Variants in AP1M1 observed in about 807,000 individuals in gnomAD.
The protein encoded by AP1M1 is adaptor related protein complex 1 subunit mu 1.
Under a neutral mutation model 57.1 loss-of-function variants are expected in AP1M1, and 18 were observed. That is an observed-to-expected ratio of 0.32 (90% CI 0.22 to 0.47). AP1M1 has a LOEUF of 0.47. Ranked by LOEUF, AP1M1 falls within the 20% of genes least tolerant of loss-of-function variation. The pLI, the probability that AP1M1 is intolerant of heterozygous loss-of-function variation, is 1.00. For synonymous variants in AP1M1, 241 were observed against 237.9 expected (o/e 1.01, Z -0.12); for missense variants, 362 against 593.5 (o/e 0.61, Z 4.05).
chr19:16,229,752 C>T (rs554726693), intron 9 of AP1M1, among the ~76,000 whole-genome samples: 1 of 152,222 alleles, frequency 6.6e-6, no homozygotes, highest in Non-Finnish European at 1.5e-5. Context: ...AAGCCAGTTA[C>T]CCCACCACCT....
At chr19:16,233,365 AG>A in intron 9 of AP1M1, 127 bp from the exon 10 acceptor site, 1 of 1,343,210 alleles carries the variant, frequency 7.4e-7, no homozygotes, top group Non-Finnish European at 9.8e-7. Flanking sequence ...TCCCCAGCAC[AG>A]GGGCTCATGC....
chr19:16,210,652 C>G (rs1484235199), intron 5 of AP1M1, among the ~76,000 whole-genome samples: 1 of 152,202 alleles, frequency 6.6e-6, no homozygotes. Context: ...CTCTGCCTCC[C>G]AGGCTTAAGC....
intron 5 of AP1M1, among the ~76,000 whole-genome samples, chr19:16,219,390 GTTTTTT>G (rs1296602911): frequency 6.6e-5 from 5 of 75,996 alleles, no homozygotes; most frequent in Non-Finnish European, 1.1e-4. Flanking sequence ...ATTCATTTTT[GTTTTTT>G]TGTTTTTTTT....
In AP1M1 at chr19:16,227,531, C is replaced by T. The variant is rs1196247136; in HGVS notation, c.674-17C>T. 5.6e-6 allele frequency: 9 copies of T among 1,613,068 alleles called. No homozygotes were observed. Among genetic ancestry groups the T allele is most frequent in the Non-Finnish European group, 7.6e-6 (9 of 1,179,250 alleles). ...CCGGAGGGCCCAGATCTGTCCTACC[C>T]TCACCCCTGACCCCAGGCGGCAAAA... is the stretch of plus-strand genomic sequence containing the variant. On this transcript the variant is annotated splice_polypyrimidine_tract_variant and intron_variant, in intron 6 of 11. Coordinates refer to ENST00000291439, the MANE Select transcript of AP1M1 (RefSeq NM_032493.4). This position sits in a 1 kb window ranked among gnomAD's most constrained non-coding sequence, Gnocchi z 6.2.
intron 5 of AP1M1, chr19:16,210,541 A>G (rs1490616140): frequency 3.4e-6 from 2 of 595,878 alleles, no homozygotes; most frequent in Non-Finnish European, 3.1e-6. Context: ...GTAGTATGTC[A>G]GCACAGTTTT....
In AP1M1 at chr19:16,233,974, G is replaced by A. The variant is rs373515839; in HGVS notation, c.1174-225G>A. 981 of 569,942 alleles carry A rather than the reference G, an allele frequency of 1.7e-3. 9 individuals carry two copies. Among genetic ancestry groups the A allele is most frequent in the African/African-American group, 0.015 (818 of 53,298 alleles). The allele number at this position is 569,942 out of a possible 1,614,324, so 35.3% of individuals were successfully genotyped here. ...GCCCCCCAAGCAGGCTGCTGAGGCC[G>A]TGTCTGCAAGCCACATCCTGGCTGC... On this transcript the variant is annotated intron_variant, in intron 10 of 11. Transcript: ENST00000291439.
At chr19:16,218,295 C>T (rs748087711) in intron 5 of AP1M1, among the ~76,000 whole-genome samples, 11 of 152,326 alleles carry the variant, frequency 7.2e-5, no homozygotes, top group East Asian at 1.9e-4. Flanking sequence ...AGAACCCTCC[C>T]GGGCTGTCTC....
intron 9 of AP1M1, among the ~76,000 whole-genome samples, chr19:16,231,469 CGATCTCGGCTTACTGCAGAGGCAT>C (rs2091597676): frequency 1.3e-5 from 2 of 151,694 alleles, no homozygotes; most frequent in East Asian, 1.9e-4. Flanking sequence ...TGCAGAGGCA[CGATCTCGGCTTACTGCAGAGGCAT>C]GATCTCGGCT....
chr19:16,214,993 C>T (rs562652614), intron 5 of AP1M1, among the ~76,000 whole-genome samples: 109 of 151,644 alleles, frequency 7.2e-4, no homozygotes, highest in Non-Finnish European at 1.3e-3. Flanking sequence ...AGGCACTCCA[C>T]CCACCTCGGC....
rs61735380 is a variant in AP1M1 at position 16,227,564 on chromosome 19, C to A, written c.690C>A (p.Ser230=). The change falls in exon 7 of 12, where the codon TCC becomes TCA. Residue 230 remains serine (S), a synonymous_variant. Transcript: ENST00000291439. This position sits in a 1 kb window ranked among gnomAD's most constrained non-coding sequence, Gnocchi z 6.2. The stretch of plus-strand genomic sequence containing the variant: ...TGACCCCAGGCGGCAAAAGCAAATC[C>A]GTGGAGCTGGAGGATGTGAAGTTCC... ...FDNTGRGKSK[S]VELEDVKFHQ... The A allele has an allele frequency of 3.5e-4, 565 of 1,613,870 alleles. 3 individuals are homozygous for A. The African/African-American group carries it at 6.9e-3, about 20-fold the overall frequency.
Position 16,239,135 on chromosome 19 carries a change from G to A in AP1M1, c.*4700G>A, listed in dbSNP as rs1461942333. 6.9e-6 allele frequency: 1 copy of A among 144,114 alleles called. No individual in the cohort carries two copies. The highest frequency in any genetic ancestry group is 1.5e-5 in the Non-Finnish European group (1 of 66,792). 8.9% of individuals were successfully genotyped at this position (144,114 alleles called of 1,614,324 possible). A position where few individuals can be genotyped will look rare whatever the true frequency, so the allele number is the denominator to read the frequency against. Reference sequence around the variant, plus strand: ...TTTGGTAGAGACGGGATTTCTCCATGTTGGTCAGGCTGGTCTCGAACTCCC... The same window carrying A: ...TTTGGTAGAGACGGGATTTCTCCATATTGGTCAGGCTGGTCTCGAACTCCC... On this transcript the variant is annotated 3_prime_UTR_variant, in exon 12 of 12. Coordinates refer to ENST00000291439, the MANE Select transcript of AP1M1 (RefSeq NM_032493.4).
intron 5 of AP1M1, among the ~76,000 whole-genome samples, chr19:16,209,814 G>T (rs539630018): frequency 1.3e-5 from 2 of 152,052 alleles, no homozygotes; most frequent in African/African-American, 4.8e-5. Flanking sequence ...TTGATTTTGC[G>T]TTCAGTGTTA....
intron 9 of AP1M1, among the ~76,000 whole-genome samples, chr19:16,229,262 C>T (rs1412549113): frequency 1.3e-5 from 2 of 152,230 alleles, no homozygotes; most frequent in Non-Finnish European, 2.9e-5. Context: ...GAAGGAGCCC[C>T]GTCCACACTG....
At chr19:16,213,654 C>T (rs924498171) in intron 5 of AP1M1, among the ~76,000 whole-genome samples, 1 of 152,152 alleles carries the variant, frequency 6.6e-6, no homozygotes, top group South Asian at 2.1e-4. Context: ...GCCACCACGC[C>T]TGGCGGTTTT....
rs1214846095 is a variant in AP1M1, at chr19:16,227,859, G to A, written c.816+169G>A. On this transcript the variant is annotated intron_variant, in intron 7 of 11. Transcript: ENST00000291439. This position sits in a 1 kb window ranked among gnomAD's most constrained non-coding sequence, Gnocchi z 6.2. The stretch of plus-strand genomic sequence containing the variant: ...CTTGGGACTCCGAGCTTTCTGAGGG[G>A]CACAGACCCCTTTGGCCACCACCAC... Among the ~76,000 whole-genome samples the A allele has an allele frequency of 6.6e-6, 1 of 152,114 alleles. No individual in the cohort carries two copies. Among genetic ancestry groups the A allele is most frequent in the Non-Finnish European group, 1.5e-5 (1 of 68,002 alleles).
chr19:16,201,029 A>G (rs2091444667), intron 1 of AP1M1, among the ~76,000 whole-genome samples: 1 of 152,154 alleles, frequency 6.6e-6, no homozygotes, highest in African/African-American at 2.4e-5. Context: ...CGCCGCCACC[A>G]TAAATTCAGC....
At position 16,234,575 on chromosome 19, in the gene AP1M1, C is replaced by T; in HGVS notation, c.*140C>T. ...GCCTCTGCCCAGGGACCCCTGCCTT[C>T]CCCAGGCCATCTGCTCTGCCGTCGA... On this transcript the variant is annotated 3_prime_UTR_variant, in exon 12 of 12. Coordinates refer to ENST00000291439, the MANE Select transcript of AP1M1 (RefSeq NM_032493.4). The T allele has an allele frequency of 1.9e-6, 2 of 1,066,646 alleles. No homozygotes were observed. The highest frequency in any genetic ancestry group is 2.2e-5 in the Admixed American group (1 of 46,470). 66.1% of individuals were successfully genotyped at this position (1,066,646 alleles called of 1,614,324 possible).
At position 16,242,581 on chromosome 19, in the gene AP1M1, C is replaced by T. The variant is rs1395976892; in HGVS notation, c.*8146C>T. ...TGTGATATCCTGTTTATACGCGATACATCTAAAATGTAAGTACACAACACA... is the reference window on the plus strand; with the variant it reads ...TGTGATATCCTGTTTATACGCGATATATCTAAAATGTAAGTACACAACACA... On this transcript the variant is annotated 3_prime_UTR_variant, in exon 12 of 12. Transcript: ENST00000291439. 6.6e-6 allele frequency: 1 copy of T among 152,110 alleles called. No homozygotes were observed. Among genetic ancestry groups the T allele is most frequent in the Non-Finnish European group, 1.5e-5 (1 of 68,018 alleles). 9.4% of individuals were successfully genotyped at this position (152,110 alleles called of 1,614,324 possible). A position where few individuals can be genotyped will look rare whatever the true frequency, so the allele number is the denominator to read the frequency against.
intron 5 of AP1M1, among the ~76,000 whole-genome samples, chr19:16,222,195 TA>T (rs2091547475): frequency 8.5e-6 from 1 of 117,100 alleles, no homozygotes; most frequent in African/African-American, 3.2e-5. Context: ...TTATTATTAT[TA>T]CTATTATTAT....
Sources: allele counts gnomAD v4.1 joint callset (sites outside exome capture counted in the v4.1 genomes callset), GRCh38; gene constraint gnomAD v4.1.1; non-coding constraint Gnocchi (gnomAD v3.1); transcripts MANE v1.5; gene names NCBI Gene and HGNC (gene_info 2026-07-23, HGNC 2026-07-21).